Variants in RGS6 observed in about 807,000 individuals in gnomAD.
RGS6 encodes regulator of G protein signaling 6, also known as regulator of G-protein signaling 6.
A neutral mutation model predicts 78.5 loss-of-function variants in RGS6; 30 were observed. The ratio of observed to expected loss-of-function variants is 0.38; its 90% CI spans 0.29 to 0.52. The LOEUF is 0.52. Ranked by LOEUF, RGS6 falls within the 20% of genes least tolerant of loss-of-function variation. RGS6 has a pLI of 0.85. For synonymous variants in RGS6, 206 were observed against 206.0 expected, an observed-to-expected ratio of 1.00 and a Z score of 0.00; for missense variants, 495 against 609.7, an observed-to-expected ratio of 0.81 and a Z score of 1.98.
the RGS6 span, among the ~76,000 whole-genome samples, chr14:71,913,869 C>T: frequency 2.0e-5 from 3 of 152,292 alleles, no homozygotes; most frequent in South Asian, 4.1e-4. Flanking sequence ...ATGTATTCTG[C>T]AATTTGCAGC....
intron 2 of RGS6, among the ~76,000 whole-genome samples, chr14:72,104,493 C>T (rs2095593634): frequency 6.6e-6 from 1 of 152,108 alleles, no homozygotes; most frequent in Admixed American, 6.6e-5. Context: ...TTGAACAGAA[C>T]AGATTTAAAA....
chr14:72,115,550 G>A (rs2095867260), intron 2 of RGS6, among the ~76,000 whole-genome samples: 1 of 152,176 alleles, frequency 6.6e-6, no homozygotes, highest in Non-Finnish European at 1.5e-5. Flanking sequence ...CAGAGGAGGT[G>A]AGGGAGGAGA....
chr14:72,248,753 G>T (rs1337016829), intron 2 of RGS6, among the ~76,000 whole-genome samples: 3 of 152,188 alleles, frequency 2.0e-5, no homozygotes, highest in African/African-American at 7.2e-5. Flanking sequence ...ACATCTGTTA[G>T]AAATTTAAAC....
chr14:72,277,027 GC>G (rs1456453786), intron 2 of RGS6, among the ~76,000 whole-genome samples: 1 of 152,186 alleles, frequency 6.6e-6, no homozygotes, highest in Non-Finnish European at 1.5e-5. Context: ...CTAGAATGGT[GC>G]CTGGGATGTA....
intron 2 of RGS6, among the ~76,000 whole-genome samples, chr14:72,321,061 C>T (rs960124343): frequency 1.3e-5 from 2 of 150,486 alleles, no homozygotes; most frequent in South Asian, 4.2e-4. Flanking sequence ...TATATTAAAC[C>T]AATGTTTAGT....
chr14:72,120,894 G>T (rs2096032979), intron 2 of RGS6, among the ~76,000 whole-genome samples: 1 of 152,170 alleles, frequency 6.6e-6, no homozygotes, highest in South Asian at 2.1e-4. Flanking sequence ...GTATTCCGTT[G>T]TCAAAACTCA....
At chr14:72,221,232 A>G (rs1263977372) in intron 2 of RGS6, among the ~76,000 whole-genome samples, 1 of 152,210 alleles carries the variant, frequency 6.6e-6, no homozygotes, top group Non-Finnish European at 1.5e-5. Flanking sequence ...AGATTTTGCA[A>G]TTTATGTCTA....
chr14:72,476,985 G>A (rs2096255064), intron 11 of RGS6, 145 bp downstream of exon 11: 1 of 662,866 alleles, frequency 1.5e-6, no homozygotes, highest in South Asian at 1.9e-5. Flanking sequence ...AACCTTTTAA[G>A]TGCTGTGTGT....
intron 3 of RGS6, among the ~76,000 whole-genome samples, chr14:72,436,453 C>A (rs562160600): frequency 1.3e-5 from 2 of 152,268 alleles, no homozygotes; most frequent in Admixed American, 6.5e-5. Flanking sequence ...GTATGTTTAT[C>A]ATTTATTGAT....
intron 13 of RGS6, among the ~76,000 whole-genome samples, chr14:72,498,229 A>T (rs1003000571): frequency 1.3e-5 from 2 of 151,964 alleles, no homozygotes; most frequent in Non-Finnish European, 2.9e-5. Flanking sequence ...TGTGATATAG[A>T]TTTTTTTCAT....
chr14:72,300,059 G>C (rs1476450036), intron 2 of RGS6, among the ~76,000 whole-genome samples: 1 of 151,834 alleles, frequency 6.6e-6, no homozygotes, highest in African/African-American at 2.4e-5. Context: ...AGATTATTTA[G>C]ATCAAGGATC....
At chr14:72,408,455 C>G (rs185761839) in intron 3 of RGS6, among the ~76,000 whole-genome samples, 2 of 152,302 alleles carry the variant, frequency 1.3e-5, no homozygotes, top group African/African-American at 4.8e-5. Context: ...GTAACCAAGA[C>G]TTCATCTAAA....
At chr14:72,104,276 C>A (rs2095587638) in intron 2 of RGS6, among the ~76,000 whole-genome samples, 1 of 152,194 alleles carries the variant, frequency 6.6e-6, no homozygotes, top group Non-Finnish European at 1.5e-5. Flanking sequence ...TCTGTCAAAA[C>A]GAATTCTCAT....
chr14:72,486,659 G>A (rs2096492734), intron 12 of RGS6, among the ~76,000 whole-genome samples: 1 of 152,128 alleles, frequency 6.6e-6, no homozygotes, highest in Non-Finnish European at 1.5e-5. Flanking sequence ...AAGAAATGGT[G>A]CTGGACAGCC....
chr14:72,416,080 G>A (rs147937594), intron 3 of RGS6, among the ~76,000 whole-genome samples: 2,368 of 151,404 alleles, frequency 0.016, 71 homozygotes, highest in African/African-American at 0.054. Context: ...CCCGGGAGGC[G>A]GAGGTTGCAG....
At chr14:72,190,449 T>C (rs936116612) in intron 2 of RGS6, among the ~76,000 whole-genome samples, 3 of 152,204 alleles carry the variant, frequency 2.0e-5, no homozygotes, top group Non-Finnish European at 4.4e-5. Flanking sequence ...TGGTATCATG[T>C]CTACTCCAGG....
chr14:71,987,595 G>A (rs1008220569), intron 2 of RGS6, among the ~76,000 whole-genome samples: 3 of 151,960 alleles, frequency 2.0e-5, no homozygotes, highest in Non-Finnish European at 4.4e-5. Flanking sequence ...GTGTGATCTT[G>A]GCTCACTCAG....
At position 72,540,356 on chromosome 14, in the gene RGS6, A is replaced by G. The variant is rs1463546278; in HGVS notation, c.1422+262A>G. Reference sequence around the variant, plus strand: ...CAGCCTCAGGCCTGGGCATTTGATCATCTGTTCAGGGCTTTGAGGAGGAGG... The same window carrying G: ...CAGCCTCAGGCCTGGGCATTTGATCGTCTGTTCAGGGCTTTGAGGAGGAGG... On this transcript the variant is annotated intron_variant, in intron 17 of 17. Transcript: ENST00000553525. The G allele has an allele frequency of 1.6e-4, 233 of 1,456,290 alleles. 1 individual carries two copies. In the East Asian group the frequency reaches 5.7e-3, roughly 35 times the overall value. 90.2% of individuals were successfully genotyped at this position (1,456,290 alleles called of 1,614,324 possible).
intron 3 of RGS6, among the ~76,000 whole-genome samples, chr14:72,380,197 A>G (rs1170444089): frequency 2.0e-5 from 3 of 152,078 alleles, no homozygotes; most frequent in Non-Finnish European, 4.4e-5. Flanking sequence ...CTAAATGCAA[A>G]ATCTGAAAAT....
Sources: allele counts gnomAD v4.1 joint callset (sites outside exome capture counted in the v4.1 genomes callset), GRCh38; gene constraint gnomAD v4.1.1; transcripts MANE v1.5; gene names NCBI Gene and HGNC (gene_info 2026-07-23, HGNC 2026-07-21).